TICRR: variants seen among roughly 807,000 people sequenced by gnomAD.
TICRR encodes TOPBP1 interacting checkpoint and replication regulator.
TICRR carries 132 observed loss-of-function variants against 178.1 expected under a neutral mutation model. The observed-to-expected ratio is 0.74, with a 90% CI of 0.64 to 0.86. The LOEUF (loss-of-function observed/expected upper bound fraction) is 0.86. TICRR is among the 40% of genes least tolerant of loss of function. The pLI, the probability that TICRR is intolerant of heterozygous loss-of-function variation, is 0.00. For synonymous variants in TICRR, 991 were observed against 900.7 expected (o/e 1.10, Z -1.79); for missense variants, 2,587 against 2,334.3 (o/e 1.11, Z -2.23).
intron 8 of TICRR, among the ~76,000 whole-genome samples, chr15:89,599,922 A>G (rs1222749591): frequency 6.6e-6 from 1 of 152,204 alleles, no homozygotes; most frequent in East Asian, 1.9e-4. Context: ...CCTGGCCAAC[A>G]TGGTGAAACC....
chr15:89,582,606 A>T (rs768818718), intron 1 of TICRR, 80 bp from the exon 2 acceptor site: 11 of 1,319,000 alleles, frequency 8.3e-6, no homozygotes, highest in Non-Finnish European at 9.5e-6. Flanking sequence ...TATCAACTTT[A>T]CTTTCTCCTG....
intron 6 of TICRR, among the ~76,000 whole-genome samples, chr15:89,595,017 AG>A (rs1420681280): frequency 1.8e-4 from 28 of 152,322 alleles, no homozygotes; most frequent in Admixed American, 1.4e-3. Context: ...TTACTGTGTC[AG>A]GGTATGAAAA....
At chr15:89,622,278 G>A (rs746807859) in intron 19 of TICRR, among the ~76,000 whole-genome samples, 16 of 151,900 alleles carry the variant, frequency 1.1e-4, no homozygotes, top group Non-Finnish European at 1.9e-4. Context: ...GAGCCACTGC[G>A]CCCGGCCTAC....
chr15:89,579,630 A>T (rs1962687790), intron 1 of TICRR: 1 of 150,868 alleles, frequency 6.6e-6, no homozygotes, highest in Admixed American at 6.6e-5. Context: ...ACAGGCTGTT[A>T]TTTTTTTTTA....
intron 7 of TICRR, among the ~76,000 whole-genome samples, chr15:89,596,566 C>T (rs1963001898): frequency 6.6e-6 from 1 of 152,142 alleles, no homozygotes; most frequent in Non-Finnish European, 1.5e-5. Context: ...AGGCTGGTTT[C>T]GAACTCCTAA....
chr15:89,622,545 C>A (rs1963443306), intron 19 of TICRR, among the ~76,000 whole-genome samples: 1 of 152,148 alleles, frequency 6.6e-6, no homozygotes, highest in Non-Finnish European at 1.5e-5. Flanking sequence ...AAATAATCAC[C>A]TTTGTTTGGA....
In TICRR at chr15:89,624,491, G is replaced by C; in HGVS notation, c.4181G>C (p.Ser1394Thr). The change falls in exon 20 of 22, where the codon AGC becomes ACC. Residue 1394 changes from serine to threonine, a missense_variant. Transcript: ENST00000268138. ...AGAAAGACCTCTGATCCCAGAAGGA[G>C]CATCGTGGAGTGTCAGCCTGATGCC... Reference protein sequence around the residue: ...RCRKTSDPRRSIVECQPDASA... With the variant: ...RCRKTSDPRRTIVECQPDASA... 6.2e-7 allele frequency: 1 copy of C among 1,614,106 alleles called. No homozygotes were observed. Among genetic ancestry groups the C allele is most frequent in the Non-Finnish European group, 8.5e-7 (1 of 1,180,034 alleles).
chr15:89,618,728 A>G (rs1963375454), intron 17 of TICRR, among the ~76,000 whole-genome samples: 1 of 152,238 alleles, frequency 6.6e-6, no homozygotes, highest in Non-Finnish European at 1.5e-5. Context: ...TGGGAAGCCA[A>G]GTGGGGAGGA....
chr15:89,578,393 AAAGG>A (rs1490590093), intron 1 of TICRR, among the ~76,000 whole-genome samples: 1 of 152,226 alleles, frequency 6.6e-6, no homozygotes, highest in Non-Finnish European at 1.5e-5. Context: ...TTTGTCAAGA[AAAGG>A]AAGGGACAAA....
rs1175566644 is a variant in TICRR, at chr15:89,624,476, C to T, written c.4166C>T (p.Ser1389Phe). 2 of 1,614,174 alleles carry T rather than the reference C, an allele frequency of 1.2e-6. No homozygotes were observed. Among genetic ancestry groups the T allele is most frequent in the Non-Finnish European group, 1.7e-6 (2 of 1,180,050 alleles). Residue 1389 changes from serine (S) to phenylalanine (F), a missense_variant, in exon 20 of 22, where the codon TCT (serine) becomes TTT (phenylalanine). Coordinates refer to ENST00000268138, the MANE Select transcript of TICRR (RefSeq NM_152259.4). ...SKVGKRCRKT[S>F]DPRRSIVECQ... ...GTTGGGAAACGGTGTAGAAAGACCT[C>T]TGATCCCAGAAGGAGCATCGTGGAG...
chr15:89,578,961 T>A (rs890292592), intron 1 of TICRR, among the ~76,000 whole-genome samples: 1 of 151,964 alleles, frequency 6.6e-6, no homozygotes, highest in African/African-American at 2.4e-5. Flanking sequence ...GAAGAGAAAA[T>A]CCAGGTCCTG....
At position 89,575,848 on chromosome 15, in the gene TICRR, G is replaced by C. The variant is rs1474029306; in HGVS notation, c.262G>C (p.Ala88Pro). Residue 88 changes from alanine to proline, a missense_variant, in exon 1 of 22, where the codon GCC (alanine) becomes CCC (proline). Coordinates refer to ENST00000268138, the MANE Select transcript of TICRR (RefSeq NM_152259.4). The part of the protein sequence containing the change: ...EELEARLEDR[A>P]HLPGPAPRAT... ...GCTGGAGGCCAGGCTCGAGGATCGCGCCCACCTGCCCGGCCCGGCGCCCAG... is the reference window on the plus strand; with the variant it reads ...GCTGGAGGCCAGGCTCGAGGATCGCCCCCACCTGCCCGGCCCGGCGCCCAG... The C allele has an allele frequency of 6.3e-7, 1 of 1,585,720 alleles. No individual in the cohort carries two copies. Among genetic ancestry groups the C allele is most frequent in the Non-Finnish European group, 8.6e-7 (1 of 1,168,852 alleles).
At chr15:89,578,439 G>A (rs1962663657) in intron 1 of TICRR, among the ~76,000 whole-genome samples, 2 of 152,230 alleles carry the variant, frequency 1.3e-5, no homozygotes, top group African/African-American at 4.8e-5. Flanking sequence ...ACATTTGATG[G>A]GGAAAATGAA....
chr15:89,597,385 G>T (rs540646845), intron 7 of TICRR, among the ~76,000 whole-genome samples: 1 of 151,980 alleles, frequency 6.6e-6, no homozygotes, highest in Admixed American at 6.6e-5. Flanking sequence ...TTAGCCAGGC[G>T]TGGTGGCAGG....
chr15:89,600,609 A>C lies in TICRR; in HGVS notation c.2077A>C (p.Ser693Arg). The C allele has an allele frequency of 6.3e-7, 1 of 1,590,340 alleles. No individual in the cohort carries two copies. ...LEVNCLNQVK[S>R]SLLKTSKSLR... Reference sequence around the variant, plus strand: ...GGTGAACTGCCTGAATCAAGTAAAAAGTAGTCTCTTAAAAACTAGTAAAAG... The same window carrying C: ...GGTGAACTGCCTGAATCAAGTAAAACGTAGTCTCTTAAAAACTAGTAAAAG... The change falls in exon 9 of 22, where the codon AGT becomes CGT. Residue 693 changes from serine to arginine, a missense_variant. Physicochemically the swap from Ser to Arg is moderately radical, Grantham distance 110. Transcript: ENST00000268138.
At chr15:89,621,603 C>T in intron 19 of TICRR, 53 bp downstream of exon 19, 1 of 1,480,836 alleles carries the variant, frequency 6.8e-7, no homozygotes. Flanking sequence ...AACACAGAGA[C>T]ATGGCCAAGG....
chr15:89,624,608 C>T lies in TICRR; in HGVS notation c.4298C>T (p.Ser1433Phe), dbSNP rs147298992. Residue 1433 changes from serine to phenylalanine, a missense_variant, in exon 20 of 22, where the codon TCT (serine) becomes TTT (phenylalanine). Transcript: ENST00000268138. Reference sequence around the variant, plus strand: ...AAGGGACTGAGCCTCTCTCCTCAGTCTCCTCCTGAAAGACGGGGCTACCCA... The same window carrying T: ...AAGGGACTGAGCCTCTCTCCTCAGTTTCCTCCTGAAAGACGGGGCTACCCA... ...DQKGLSLSPQ[S>F]PPERRGYPGP... The T allele has an allele frequency of 6.8e-6, 11 of 1,609,806 alleles. No individual in the cohort carries two copies. In the African/African-American group the frequency reaches 9.3e-5, roughly 14 times the overall value.
chr15:89,613,734 CTTTTTTTT>C (rs34162195), intron 15 of TICRR, among the ~76,000 whole-genome samples: 1 of 61,520 alleles, frequency 1.6e-5, no homozygotes, highest in East Asian at 4.0e-4. Flanking sequence ...TTTCTATTCG[CTTTTTTTT>C]TTTTTTTTTT....
At chr15:89,589,936 G>C (rs1962883094) in intron 4 of TICRR, among the ~76,000 whole-genome samples, 1 of 151,966 alleles carries the variant, frequency 6.6e-6, no homozygotes, top group South Asian at 2.1e-4. Flanking sequence ...GCAAGACCCT[G>C]TCTCAATTAA....
Sources: allele counts gnomAD v4.1 joint callset (sites outside exome capture counted in the v4.1 genomes callset), GRCh38; gene constraint gnomAD v4.1.1; transcripts MANE v1.5; gene names NCBI Gene and HGNC (gene_info 2026-07-23, HGNC 2026-07-21).